The following MYT1L variants were observed in gnomAD, a reference collection of about 807,000 sequenced individuals.
The protein encoded by MYT1L is myelin transcription factor 1-like protein.
Under a neutral mutation model 126.7 loss-of-function variants are expected in MYT1L, and 12 were observed. The ratio of observed to expected loss-of-function variants is 0.09; its 90% confidence interval spans 0.06 to 0.15. The LOEUF (loss-of-function observed/expected upper bound fraction) is 0.15. MYT1L is among the 10% of genes least tolerant of loss of function. The probability of loss-of-function intolerance (pLI) is 1.00; values close to 1 mark genes in which losing one functional copy is unlikely to be tolerated. For missense variants in MYT1L, 979 were observed against 1,585.2 expected, an observed-to-expected ratio of 0.62 and a Z score of 6.49; for synonymous variants, 541 against 604.2, an observed-to-expected ratio of 0.90 and a Z score of 1.53.
At chr2:2,308,507 T>C (rs1369794815) in intron 1 of MYT1L, among the ~76,000 whole-genome samples, 1 of 151,852 alleles carries the variant, frequency 6.6e-6, no homozygotes, top group East Asian at 1.9e-4. Flanking sequence ...CAGTACACTC[T>C]ACATATACCT....
At chr2:2,023,690 C>G (rs903732892) in intron 4 of MYT1L, among the ~76,000 whole-genome samples, 1 of 151,906 alleles carries the variant, frequency 6.6e-6, no homozygotes, top group Non-Finnish European at 1.5e-5. Context: ...GAAAGGCTGT[C>G]TAGCGAGTCT....
chr2:1,950,072 C>T lies in MYT1L; in HGVS notation c.153-6738G>A, dbSNP rs553422764. 2.0e-5 allele frequency among the ~76,000 whole-genome samples: 3 copies of T among 152,200 alleles called. No homozygotes were observed. In the East Asian group the frequency reaches 5.8e-4, roughly 29 times the overall value. ...TCTAAAATCTCTATATACACAAATT[C>T]ATTAAACCCTCTCGGTGACCCTGTG... On this transcript the variant is annotated intron_variant, in intron 8 of 24. Transcript: ENST00000647738.
At chr2:2,214,449 A>C (rs553239445) in intron 2 of MYT1L, among the ~76,000 whole-genome samples, 5 of 152,298 alleles carry the variant, frequency 3.3e-5, no homozygotes, top group Admixed American at 6.5e-5. Flanking sequence ...AACCAGCGAC[A>C]AACAGGAAAG....
At chr2:1,934,489 A>G (rs2055557289) in intron 9 of MYT1L, among the ~76,000 whole-genome samples, 1 of 151,794 alleles carries the variant, frequency 6.6e-6, no homozygotes, top group Non-Finnish European at 1.5e-5. Context: ...ATTTATTTAT[A>G]AAGCTTTGAG....
At chr2:2,019,207 C>T (rs981661612) in intron 4 of MYT1L, among the ~76,000 whole-genome samples, 8 of 152,178 alleles carry the variant, frequency 5.3e-5, no homozygotes, top group Non-Finnish European at 8.8e-5. Flanking sequence ...TGAATCATGG[C>T]GGGCGAGTCT....
At chr2:2,066,231 A>G (rs142378321) in intron 3 of MYT1L, among the ~76,000 whole-genome samples, 1,705 of 152,322 alleles carry the variant, frequency 0.011, 16 homozygotes, top group Non-Finnish European at 0.016. Flanking sequence ...ATCAGCACAG[A>G]GGAACGGTAA....
intron 2 of MYT1L, among the ~76,000 whole-genome samples, chr2:2,261,341 C>G (rs367780023): frequency 2.0e-5 from 3 of 152,230 alleles, no homozygotes; most frequent in Middle Eastern, 3.4e-3. Flanking sequence ...TGATTACAGT[C>G]TTTTAGACAA....
rs563373419 is a variant in MYT1L, at chr2:1,951,395, C to T, written c.153-8061G>A. 1.8e-4 allele frequency among the ~76,000 whole-genome samples: 27 copies of T among 152,236 alleles called. No homozygotes were observed. The South Asian group carries it at 5.4e-3, about 30-fold the overall frequency. ...GGGGATGGGTCCAGGGAGCATGAGG[C>T]TGGCCCAGGAGACACAACCCACAGA... On this transcript the variant is annotated intron_variant, in intron 8 of 24. Transcript: ENST00000647738.
intron 3 of MYT1L, among the ~76,000 whole-genome samples, chr2:2,116,930 G>T (rs1020223965): frequency 1.3e-5 from 2 of 152,234 alleles, no homozygotes; most frequent in Admixed American, 6.5e-5. Context: ...GACACATCTG[G>T]CATTTGTCAC....
At chr2:1,797,898 C>CT (rs2147863493) in intron 23 of MYT1L, among the ~76,000 whole-genome samples, 2 of 88,242 alleles carry the variant, frequency 2.3e-5, no homozygotes, top group African/African-American at 4.4e-5. Context: ...GGCGGTCTCC[C>CT]CCTTCTCCGG....
At chr2:2,315,110 A>T (rs1467737964) in intron 1 of MYT1L, among the ~76,000 whole-genome samples, 1 of 152,192 alleles carries the variant, frequency 6.6e-6, no homozygotes, top group Non-Finnish European at 1.5e-5. Context: ...GGGGAACTCC[A>T]GAGCACACAG....
chr2:2,111,084 C>T (rs1442437979), intron 3 of MYT1L, among the ~76,000 whole-genome samples: 1 of 152,186 alleles, frequency 6.6e-6, no homozygotes, highest in Non-Finnish European at 1.5e-5. Context: ...GCAGTGGGCC[C>T]TGGGCAGCCC....
At chr2:2,244,163 C>A (rs900241488) in intron 2 of MYT1L, among the ~76,000 whole-genome samples, 3 of 152,198 alleles carry the variant, frequency 2.0e-5, no homozygotes, top group Non-Finnish European at 2.9e-5. Flanking sequence ...CACACACCTG[C>A]TTTTATGAAA....
At chr2:1,936,393 T>C (rs560789083) in intron 9 of MYT1L, among the ~76,000 whole-genome samples, 1 of 152,340 alleles carries the variant, frequency 6.6e-6, no homozygotes, top group African/African-American at 2.4e-5. Context: ...CACCTAAAAA[T>C]GTCTAATTCT....
At chr2:2,069,945 G>A (rs2074392422) in intron 3 of MYT1L, among the ~76,000 whole-genome samples, 1 of 144,850 alleles carries the variant, frequency 6.9e-6, no homozygotes, top group Non-Finnish European at 1.5e-5. Context: ...TTTTTTTAAG[G>A]TACTTTCAAA....
intron 3 of MYT1L, among the ~76,000 whole-genome samples, chr2:2,091,957 A>G (rs1162047664): frequency 6.6e-6 from 1 of 152,232 alleles, no homozygotes; most frequent in African/African-American, 2.4e-5. Context: ...ACTGAAGGGA[A>G]TATTGTGGCT....
At chr2:2,010,111 C>A (rs2063687088) in intron 4 of MYT1L, among the ~76,000 whole-genome samples, 1 of 152,150 alleles carries the variant, frequency 6.6e-6, no homozygotes, top group Non-Finnish European at 1.5e-5. Context: ...TTTTGGGCAT[C>A]TATGGGGTAA....
At chr2:2,001,047 G>A (rs1181192983) in intron 4 of MYT1L, among the ~76,000 whole-genome samples, 1 of 152,092 alleles carries the variant, frequency 6.6e-6, no homozygotes, top group Non-Finnish European at 1.5e-5. Flanking sequence ...GTTTAGGTTT[G>A]TCAACCTTTT....
At chr2:2,019,468 C>T (rs747023903) in intron 4 of MYT1L, among the ~76,000 whole-genome samples, 2 of 152,172 alleles carry the variant, frequency 1.3e-5, no homozygotes, top group Non-Finnish European at 2.9e-5. Context: ...TATACAATGC[C>T]CAAGGCCACT....
Sources: gnomAD v4.1 joint callset for allele counts (sites outside exome capture counted in the v4.1 genomes callset) on GRCh38, gnomAD v4.1.1 for gene constraint, MANE v1.5 for transcripts, NCBI Gene and HGNC (gene_info 2026-07-23, HGNC 2026-07-21) for gene names.